Variants in CACNA1E observed in about 807,000 individuals in gnomAD.
CACNA1E encodes the protein calcium voltage-gated channel subunit alpha1 E.
CACNA1E carries 40 observed loss-of-function variants against 259.2 expected under a neutral mutation model. That is an observed-to-expected ratio of 0.15 (90% CI 0.12 to 0.20). CACNA1E has a LOEUF of 0.20. CACNA1E is among the 10% of genes least tolerant of loss of function. The pLI is 1.00. For synonymous variants in CACNA1E, 1,104 were observed against 1,138.5 expected (o/e 0.97, Z 0.61); for missense variants, 1,874 against 3,040.1 (o/e 0.62, Z 9.02).
intron 1 of CACNA1E, among the ~76,000 whole-genome samples, chr1:181,496,198 C>T (rs1211338253): frequency 6.6e-6 from 1 of 152,010 alleles, no homozygotes; most frequent in Non-Finnish European, 1.5e-5. Flanking sequence ...GATTTTATAC[C>T]AGTATTGTAC....
At chr1:181,700,559 T>A (rs1339049712) in intron 7 of CACNA1E, among the ~76,000 whole-genome samples, 2 of 152,020 alleles carry the variant, frequency 1.3e-5, no homozygotes, top group East Asian at 1.9e-4. Flanking sequence ...CAACGAGAAA[T>A]GAGACAATTC....
chr1:181,493,188 AC>A (rs759062909), intron 1 of CACNA1E, among the ~76,000 whole-genome samples: 1 of 152,208 alleles, frequency 6.6e-6, no homozygotes, highest in Non-Finnish European at 1.5e-5. Flanking sequence ...CAATTTAAAA[AC>A]ATCTATCATG....
intron 1 of CACNA1E, among the ~76,000 whole-genome samples, chr1:181,499,022 T>C (rs1053501095): frequency 6.6e-5 from 10 of 152,208 alleles, no homozygotes; most frequent in African/African-American, 2.2e-4. Flanking sequence ...CCAGTGAGAA[T>C]TGGTAACAGT....
chr1:181,371,851 C>T lies in CACNA1E; in HGVS notation c.-14-41282C>T, dbSNP rs145613943. Reference sequence around the variant, plus strand: ...CACTTATTGAATAGGGAGTCCTTCCCCATTGCTTGTTATTGTCAACTTTGT... The same window carrying T: ...CACTTATTGAATAGGGAGTCCTTCCTCATTGCTTGTTATTGTCAACTTTGT... On this transcript the variant is annotated intron_variant, in intron 1 of 11. Transcript: ENST00000524607. Among the ~76,000 whole-genome samples the T allele has an allele frequency of 2.4e-3, 367 of 152,260 alleles. 3 individuals carry two copies. The highest frequency in any genetic ancestry group is 8.4e-3 in the African/African-American group (350 of 41,542).
intron 2 of CACNA1E, among the ~76,000 whole-genome samples, chr1:181,436,364 A>G (rs1660088116): frequency 6.6e-6 from 1 of 152,232 alleles, no homozygotes; most frequent in Non-Finnish European, 1.5e-5. Flanking sequence ...ACTTCTGGGT[A>G]TATATCCAAA....
intron 1 of CACNA1E, among the ~76,000 whole-genome samples, chr1:181,500,661 C>T (rs184085880): frequency 6.6e-6 from 1 of 152,318 alleles, no homozygotes; most frequent in East Asian, 1.9e-4. Context: ...CCCCTTATTA[C>T]AAGCTAGCCC....
At chr1:181,608,382 A>C (rs1558180275) in intron 6 of CACNA1E, among the ~76,000 whole-genome samples, 1 of 152,224 alleles carries the variant, frequency 6.6e-6, no homozygotes, top group Non-Finnish European at 1.5e-5. Flanking sequence ...AATAGGATTT[A>C]AGAAGTTGGC....
intron 1 of CACNA1E, among the ~76,000 whole-genome samples, chr1:181,325,009 C>T (rs1650655622): frequency 6.6e-6 from 1 of 152,196 alleles, no homozygotes; most frequent in African/African-American, 2.4e-5. Flanking sequence ...TCCTCCAGTG[C>T]TGCCACAGCT....
At chr1:181,573,311 C>G (rs1219781943) in intron 3 of CACNA1E, among the ~76,000 whole-genome samples, 2 of 152,120 alleles carry the variant, frequency 1.3e-5, no homozygotes, top group African/African-American at 4.8e-5. Flanking sequence ...ATAATTATTT[C>G]TTTTATGTGT....
At chr1:181,342,641 AGCTTTTAGGGATGCATGTTTGGAT>A (rs1194151976) in intron 1 of CACNA1E, among the ~76,000 whole-genome samples, 10 of 152,062 alleles carry the variant, frequency 6.6e-5, no homozygotes, top group Non-Finnish European at 1.2e-4. Context: ...CCCAGACTAG[AGCTTTTAGGGATGCATGTTTGGAT>A]GCTTTTAGGG....
At chr1:181,677,947 G>T (rs1274563104) in intron 7 of CACNA1E, among the ~76,000 whole-genome samples, 1 of 152,182 alleles carries the variant, frequency 6.6e-6, no homozygotes, top group Non-Finnish European at 1.5e-5. Flanking sequence ...AGTTAGGTCT[G>T]GTTAGATCAT....
chr1:181,360,779 A>G (rs1653805379), intron 1 of CACNA1E, among the ~76,000 whole-genome samples: 1 of 152,234 alleles, frequency 6.6e-6, no homozygotes, highest in East Asian at 1.9e-4. Flanking sequence ...AAAAACCCTC[A>G]CAATCTTCTG....
chr1:181,357,294 G>C (rs1288266471), intron 1 of CACNA1E, among the ~76,000 whole-genome samples: 1 of 152,174 alleles, frequency 6.6e-6, no homozygotes, highest in African/African-American at 2.4e-5. Context: ...CTCAGAATGG[G>C]TGTTGCCTCA....
At chr1:181,512,697 A>G (rs1020976270) in intron 3 of CACNA1E, among the ~76,000 whole-genome samples, 21 of 152,248 alleles carry the variant, frequency 1.4e-4, no homozygotes, top group Non-Finnish European at 2.9e-4. Context: ...GGACTGGAAT[A>G]TGTAAATGGA....
chr1:181,460,301 A>G (rs1041869052), intron 2 of CACNA1E, among the ~76,000 whole-genome samples: 2 of 152,176 alleles, frequency 1.3e-5, no homozygotes, highest in African/African-American at 4.8e-5. Flanking sequence ...TGGGCAGGCT[A>G]CTATCACAGT....
intron 6 of CACNA1E, among the ~76,000 whole-genome samples, chr1:181,646,368 G>C (rs1006127064): frequency 2.0e-5 from 3 of 152,308 alleles, no homozygotes; most frequent in African/African-American, 7.2e-5. Flanking sequence ...CTCTCCACAG[G>C]TGCTGGCAGT....
At chr1:181,597,908 A>G (rs1558168184) in intron 6 of CACNA1E, among the ~76,000 whole-genome samples, 1 of 152,080 alleles carries the variant, frequency 6.6e-6, no homozygotes, top group Non-Finnish European at 1.5e-5. Context: ...CCATAATTCA[A>G]TCACCTCCCA....
Position 181,511,398 on chromosome 1 carries a change from A to G in CACNA1E, c.400A>G (p.Ile134Val). The G allele has an allele frequency of 6.2e-7, 1 of 1,613,952 alleles. No homozygotes were observed. Among genetic ancestry groups the G allele is most frequent in the South Asian group, 1.1e-5 (1 of 91,082 alleles). Residue 134 changes from isoleucine to valine, a missense_variant, in exon 3 of 48, where the codon ATC becomes GTC. By Grantham distance (29) the Ile-to-Val change is conservative. This residue lies in a region of CACNA1E where 55 missense variants were observed against 156.5 expected (regional missense o/e 0.35). Coordinates refer to ENST00000367573, the MANE Select transcript of CACNA1E (RefSeq NM_001205293.3). ...LEKTEPYFIGIFCFEAGIKIV... is the reference protein window; with the variant it reads ...LEKTEPYFIGVFCFEAGIKIV... ...GAAGACAGAACCTTATTTCATTGGG[A>G]TCTTTTGCTTTGAAGCTGGGATCAA...
At chr1:181,686,947 G>A (rs928978030) in intron 7 of CACNA1E, among the ~76,000 whole-genome samples, 18 of 152,196 alleles carry the variant, frequency 1.2e-4, no homozygotes, top group African/African-American at 3.6e-4. Context: ...TGGGTGACAT[G>A]TGGTGCCAAT....
Sources: gnomAD v4.1 joint callset for allele counts (sites outside exome capture counted in the v4.1 genomes callset) on GRCh38, gnomAD v4.1.1 for gene constraint, gnomAD v4.1.1 regional missense constraint, MANE v1.5 for transcripts, NCBI Gene and HGNC (gene_info 2026-07-23, HGNC 2026-07-21) for gene names.